Variants in CFAP299 observed in about 807,000 individuals in gnomAD.
CFAP299 encodes cilia- and flagella-associated protein 299.
Under a neutral mutation model 27.0 loss-of-function variants are expected in CFAP299, and 21 were observed. That is an observed-to-expected ratio of 0.78 (90% CI 0.55 to 1.12). The LOEUF is 1.12. Ranked by LOEUF, CFAP299 falls within the 50% of genes most tolerant of loss-of-function variation. CFAP299 has a pLI of 0.00. For synonymous variants in CFAP299, 104 were observed against 98.1 expected, an observed-to-expected ratio of 1.06 and a Z score of -0.36; for missense variants, 310 against 276.6, an observed-to-expected ratio of 1.12 and a Z score of -0.86.
At chr4:80,876,245 C>G (rs943556313) in intron 4 of CFAP299, among the ~76,000 whole-genome samples, 2 of 151,680 alleles carry the variant, frequency 1.3e-5, no homozygotes, top group East Asian at 3.9e-4. Flanking sequence ...TGTCACCACC[C>G]AAATCTCATC....
intron 2 of CFAP299, among the ~76,000 whole-genome samples, chr4:80,549,850 T>A (rs1206177503): frequency 6.6e-6 from 1 of 152,092 alleles, no homozygotes; most frequent in Non-Finnish European, 1.5e-5. Context: ...TTTTGATACA[T>A]ACATTAAACA....
At chr4:80,871,635 C>G (rs1422799543) in intron 4 of CFAP299, 1 of 981,732 alleles carries the variant, frequency 1.0e-6, no homozygotes, top group Non-Finnish European at 1.2e-6. Flanking sequence ...TTCATCACCA[C>G]CTTTATAACT....
chr4:80,749,195 T>G (rs940307324), intron 3 of CFAP299, among the ~76,000 whole-genome samples: 1 of 152,188 alleles, frequency 6.6e-6, no homozygotes, highest in African/African-American at 2.4e-5. Context: ...GCATGTTGTT[T>G]GACATCTGGG....
intron 3 of CFAP299, among the ~76,000 whole-genome samples, chr4:80,780,374 C>T (rs963130107): frequency 6.6e-6 from 1 of 152,036 alleles, no homozygotes; most frequent in African/African-American, 2.4e-5. Context: ...TCTCAGAGTC[C>T]CATCTTCACC....
At chr4:80,925,565 T>G (rs184210511) in intron 4 of CFAP299, among the ~76,000 whole-genome samples, 10 of 151,896 alleles carry the variant, frequency 6.6e-5, no homozygotes, top group Admixed American at 1.3e-4. Flanking sequence ...TGACAACCCA[T>G]ACACCTGCAA....
At position 80,387,067 on chromosome 4, in the gene CFAP299, A is replaced by G. The variant is rs1434369475; in HGVS notation, c.242+24183A>G. The G allele has an allele frequency of 6.3e-6, 9 of 1,427,072 alleles. No individual in the cohort carries two copies. The African/African-American group carries it at 1.3e-4, about 20-fold the overall frequency. The allele number at this position is 1,427,072 out of a possible 1,614,324, so 88.4% of individuals were successfully genotyped here. ...ACCTTCTAGCAGTGTGGGCAGGGGAAGTTGTGAGTGGCGGTCTGCAGGTGA... is the reference window on the plus strand; with the variant it reads ...ACCTTCTAGCAGTGTGGGCAGGGGAGGTTGTGAGTGGCGGTCTGCAGGTGA... On this transcript the variant is annotated intron_variant, in intron 2 of 5. Coordinates refer to ENST00000358105, the MANE Select transcript of CFAP299 (RefSeq NM_152770.3).
At chr4:80,591,108 T>TA (rs1736733148) in intron 3 of CFAP299, among the ~76,000 whole-genome samples, 1 of 111,782 alleles carries the variant, frequency 8.9e-6, no homozygotes, top group Non-Finnish European at 1.8e-5. Context: ...TTAGGAAATT[T>TA]TTTTTTTTTT....
intron 3 of CFAP299, among the ~76,000 whole-genome samples, chr4:80,722,309 C>T (rs1257462847): frequency 6.6e-6 from 1 of 151,150 alleles, no homozygotes; most frequent in Non-Finnish European, 1.5e-5. Flanking sequence ...CCCAGCTACT[C>T]GGAAGGCTGA....
At position 80,783,668 on chromosome 4, in the gene CFAP299, A is replaced by G. The variant is rs146266106; in HGVS notation, c.334-86325A>G. ...AAAGACTTTTTCAAAGTGCTTATACATATATTATGGCATTTTGAACAACAT... is the reference window on the plus strand; with the variant it reads ...AAAGACTTTTTCAAAGTGCTTATACGTATATTATGGCATTTTGAACAACAT... On this transcript the variant is annotated intron_variant, in intron 3 of 5. Transcript: ENST00000358105. Among the ~76,000 whole-genome samples the G allele has an allele frequency of 1.2e-3, 177 of 152,298 alleles. 1 individual carries two copies. Among genetic ancestry groups the G allele is most frequent in the African/African-American group, 4.1e-3 (171 of 41,582 alleles).
chr4:80,826,240 A>G (rs191865716), intron 3 of CFAP299, among the ~76,000 whole-genome samples: 1 of 151,932 alleles, frequency 6.6e-6, no homozygotes, highest in Admixed American at 6.6e-5. Context: ...ACACAAGAGA[A>G]CATGAAATGA....
At chr4:80,707,513 A>C (rs1721891776) in intron 3 of CFAP299, among the ~76,000 whole-genome samples, 1 of 151,986 alleles carries the variant, frequency 6.6e-6, no homozygotes, top group South Asian at 2.1e-4. Context: ...TACACTATCC[A>C]TCAAGTGACA....
chr4:80,821,768 A>G (rs1246880757), intron 3 of CFAP299, among the ~76,000 whole-genome samples: 1 of 152,126 alleles, frequency 6.6e-6, no homozygotes, highest in Non-Finnish European at 1.5e-5. Context: ...CACACGAATA[A>G]TAAACAGAGG....
intron 3 of CFAP299, among the ~76,000 whole-genome samples, chr4:80,610,315 G>C (rs1164174253): frequency 1.3e-5 from 2 of 152,020 alleles, no homozygotes; most frequent in African/African-American, 4.8e-5. Context: ...AGCACTTCCA[G>C]TGTCCCCCAA....
chr4:80,846,080 G>A (rs776767647), intron 3 of CFAP299, among the ~76,000 whole-genome samples: 1 of 152,072 alleles, frequency 6.6e-6, no homozygotes, highest in Admixed American at 6.6e-5. Flanking sequence ...CAAGATAAAT[G>A]ATAGCATCCT....
intron 2 of CFAP299, chr4:80,387,840 G>A: frequency 7.1e-7 from 1 of 1,416,838 alleles, no homozygotes; most frequent in Non-Finnish European, 1.0e-6. Flanking sequence ...GGAGTCCCCT[G>A]GTACCTTTAG....
chr4:80,720,496 T>C (rs1171127923), intron 3 of CFAP299, among the ~76,000 whole-genome samples: 1 of 152,116 alleles, frequency 6.6e-6, no homozygotes, highest in Non-Finnish European at 1.5e-5. Context: ...TTATAAGTAA[T>C]TTTACCATGT....
At chr4:80,644,848 A>G (rs534911890) in intron 3 of CFAP299, among the ~76,000 whole-genome samples, 1 of 152,320 alleles carries the variant, frequency 6.6e-6, no homozygotes, top group South Asian at 2.1e-4. Context: ...TTAATTTTTT[A>G]AAATGCCCAA....
chr4:80,383,948 G>T (rs887028303), intron 2 of CFAP299, among the ~76,000 whole-genome samples: 1 of 151,916 alleles, frequency 6.6e-6, no homozygotes, highest in Non-Finnish European at 1.5e-5. Context: ...CCACTTGCTT[G>T]GCCTCTGATG....
chr4:80,643,714 C>T (rs952806205), intron 3 of CFAP299, among the ~76,000 whole-genome samples: 3 of 152,076 alleles, frequency 2.0e-5, no homozygotes, highest in African/African-American at 2.4e-5. Flanking sequence ...ACCATAGGAA[C>T]TTATAGAGTC....
Sources: gnomAD v4.1 joint callset for allele counts (sites outside exome capture counted in the v4.1 genomes callset) on GRCh38, gnomAD v4.1.1 for gene constraint, MANE v1.5 for transcripts, NCBI Gene and HGNC (gene_info 2026-07-23, HGNC 2026-07-21) for gene names.